GKAP1: variants seen among roughly 807,000 people sequenced by gnomAD.
GKAP1 encodes G kinase anchoring protein 1, also known as G kinase-anchoring protein 1.
A neutral mutation model predicts 56.7 loss-of-function variants in GKAP1; 31 were observed. The ratio of observed to expected loss-of-function variants is 0.55; its 90% CI spans 0.41 to 0.74. The LOEUF (loss-of-function observed/expected upper bound fraction) is 0.74, where lower values mean the gene tolerates loss of function less well. Ranked by LOEUF, GKAP1 falls within the 30% of genes least tolerant of loss-of-function variation. The pLI is 0.00. For synonymous variants in GKAP1, 151 were observed against 138.6 expected (o/e 1.09, Z -0.63); for missense variants, 364 against 402.3 (o/e 0.90, Z 0.82).
intron 3 of GKAP1, among the ~76,000 whole-genome samples, chr9:83,800,410 T>G (rs931718753): frequency 8.0e-5 from 12 of 149,858 alleles, no homozygotes; most frequent in Non-Finnish European, 1.6e-4. Flanking sequence ...TCTCGCTCAC[T>G]GTAACCTCCG....
At chr9:83,809,238 CAGAGCTATCTT>C (rs1372748540) in intron 2 of GKAP1, among the ~76,000 whole-genome samples, 1 of 152,194 alleles carries the variant, frequency 6.6e-6, no homozygotes, top group East Asian at 1.9e-4. Flanking sequence ...TAGCATAAGG[CAGAGCTATCTT>C]ACCAGGGTAT....
Position 83,769,463 on chromosome 9 carries a change from G to C in GKAP1, c.586-493C>G, listed in dbSNP as rs112397204. Among the ~76,000 whole-genome samples, 10 of 152,230 alleles carry C rather than the reference G, an allele frequency of 6.6e-5. 1 individual carries two copies. The highest frequency in any genetic ancestry group is 2.4e-4 in the African/African-American group (10 of 41,522). Reference sequence around the variant, plus strand: ...TGTCTCTATAGATTTGCCTATTATGGACATTTTGTATATACAGAATAATCC... The same window carrying C: ...TGTCTCTATAGATTTGCCTATTATGCACATTTTGTATATACAGAATAATCC... On this transcript the variant is annotated intron_variant, in intron 7 of 12. Coordinates refer to ENST00000376371, the MANE Select transcript of GKAP1 (RefSeq NM_025211.4).
chr9:83,779,446 TATACAC>T (rs1943917452), intron 7 of GKAP1, among the ~76,000 whole-genome samples: 2 of 117,998 alleles, frequency 1.7e-5, no homozygotes, highest in Admixed American at 8.7e-5. Flanking sequence ...TATATATATA[TATACAC>T]ACACACACAC....
intron 10 of GKAP1, among the ~76,000 whole-genome samples, chr9:83,745,078 C>T (rs897385972): frequency 1.3e-5 from 2 of 152,162 alleles, no homozygotes; most frequent in Non-Finnish European, 2.9e-5. Context: ...CACTCTGTTG[C>T]CCAGGCTGGA....
At chr9:83,782,518 C>T (rs1422109041) in intron 6 of GKAP1, among the ~76,000 whole-genome samples, 4 of 151,300 alleles carry the variant, frequency 2.6e-5, no homozygotes, top group Non-Finnish European at 5.9e-5. Flanking sequence ...ACCACTACGC[C>T]CAGCTAATTT....
intron 8 of GKAP1, among the ~76,000 whole-genome samples, chr9:83,767,976 C>T (rs1024425768): frequency 1.3e-5 from 2 of 152,148 alleles, no homozygotes; most frequent in South Asian, 2.1e-4. Context: ...CGTGAGCTAC[C>T]GTGCCAGGCT....
intron 2 of GKAP1, among the ~76,000 whole-genome samples, chr9:83,815,850 C>G (rs568167608): frequency 4.6e-5 from 7 of 151,960 alleles, no homozygotes; most frequent in Non-Finnish European, 8.8e-5. Flanking sequence ...ATGTTCTGTT[C>G]TTCAGATAAC....
At chr9:83,811,375 A>G in intron 2 of GKAP1, among the ~76,000 whole-genome samples, 1 of 152,242 alleles carries the variant, frequency 6.6e-6, no homozygotes, top group Non-Finnish European at 1.5e-5. Context: ...TACGGAAGGA[A>G]AATACCTATC....
intron 4 of GKAP1, among the ~76,000 whole-genome samples, chr9:83,797,122 T>C: frequency 6.6e-6 from 1 of 152,194 alleles, no homozygotes; most frequent in East Asian, 1.9e-4. Flanking sequence ...TGGTTAGGTG[T>C]TTAATTCTAG....
chr9:83,802,513 G>A (rs1042620493), intron 3 of GKAP1, among the ~76,000 whole-genome samples: 5 of 150,918 alleles, frequency 3.3e-5, no homozygotes, highest in Non-Finnish European at 7.4e-5. Flanking sequence ...ACCATCGAAT[G>A]CATAAAAATG....
At chr9:83,785,184 G>C (rs1944043544) in intron 5 of GKAP1, among the ~76,000 whole-genome samples, 1 of 151,750 alleles carries the variant, frequency 6.6e-6, no homozygotes. Flanking sequence ...CTAAAGTTAA[G>C]GTCAATCTCC....
chr9:83,748,923 A>G (rs10868052), intron 9 of GKAP1: 85,733 of 152,072 alleles, frequency 0.56, 24,782 homozygotes, highest in Admixed American at 0.7. Context: ...ATTTTATAGG[A>G]CAGTTCTATA....
At chr9:83,797,077 A>T (rs1944260297) in intron 4 of GKAP1, among the ~76,000 whole-genome samples, 1 of 152,176 alleles carries the variant, frequency 6.6e-6, no homozygotes, top group Non-Finnish European at 1.5e-5. Flanking sequence ...GTTTGCTCAT[A>T]AACAGGCGAA....
At chr9:83,756,059 C>G (rs1943469849) in intron 8 of GKAP1, among the ~76,000 whole-genome samples, 1 of 152,018 alleles carries the variant, frequency 6.6e-6, no homozygotes, top group Non-Finnish European at 1.5e-5. Context: ...CCTGCCTTGG[C>G]CTCCCAAAGT....
At chr9:83,793,274 C>T (rs190505452) in intron 4 of GKAP1, among the ~76,000 whole-genome samples, 6 of 152,282 alleles carry the variant, frequency 3.9e-5, no homozygotes, top group African/African-American at 1.4e-4. Context: ...AAAGAGATCA[C>T]CATTCTGAAG....
intron 2 of GKAP1, among the ~76,000 whole-genome samples, chr9:83,816,512 G>C (rs1278314343): frequency 6.6e-6 from 1 of 152,214 alleles, no homozygotes; most frequent in Non-Finnish European, 1.5e-5. Flanking sequence ...AGCTACTATA[G>C]TGTTATAAAT....
chr9:83,774,027 A>G (rs912987438), intron 7 of GKAP1, among the ~76,000 whole-genome samples: 1 of 151,608 alleles, frequency 6.6e-6, no homozygotes, highest in African/African-American at 2.4e-5. Context: ...GTGCCATCAC[A>G]CCCGGCTAAT....
intron 8 of GKAP1, among the ~76,000 whole-genome samples, chr9:83,758,506 G>A (rs982271043): frequency 8.5e-5 from 13 of 152,178 alleles, no homozygotes; most frequent in Non-Finnish European, 1.6e-4. Flanking sequence ...GCTGAGGCAG[G>A]CAGATCACTT....
chr9:83,758,886 G>C (rs893749764), intron 8 of GKAP1, among the ~76,000 whole-genome samples: 1 of 152,088 alleles, frequency 6.6e-6, no homozygotes, highest in African/African-American at 2.4e-5. Flanking sequence ...TCTGAGAAAG[G>C]AGCACATTGG....
Sources: gnomAD v4.1 joint callset for allele counts (sites outside exome capture counted in the v4.1 genomes callset) on GRCh38, gnomAD v4.1.1 for gene constraint, MANE v1.5 for transcripts, NCBI Gene and HGNC (gene_info 2026-07-23, HGNC 2026-07-21) for gene names.